Variants in RMND1 observed in about 807,000 individuals in gnomAD.
RMND1 encodes the protein required for meiotic nuclear division protein 1 homolog.
RMND1 carries 41 observed loss-of-function variants against 54.0 expected under a neutral mutation model. The ratio of observed to expected loss-of-function variants is 0.76; its 90% confidence interval spans 0.59 to 0.98. The LOEUF (loss-of-function observed/expected upper bound fraction) is 0.98. Ranked by LOEUF, RMND1 falls within the 50% of genes least tolerant of loss-of-function variation. The probability of loss-of-function intolerance (pLI) is 0.00; values close to 1 mark genes in which losing one functional copy is unlikely to be tolerated. For synonymous variants in RMND1, 183 were observed against 181.7 expected (o/e 1.01, Z -0.06); for missense variants, 457 against 532.0 (o/e 0.86, Z 1.39).
rs71014585 is a variant in RMND1, at chr6:151,449,060, C to CAAAAAAA, written c.-15+2949_-15+2955dup. ...TGAGCAACAAAGCGAGACTCTGTCTCAAAAAAAAAAAAAAAAAAAAAAAAA... is the reference window on the plus strand; with the variant it reads ...TGAGCAACAAAGCGAGACTCTGTCTCAAAAAAAAAAAAAAAAAAAAAAAAAAAAAAAA... On this transcript the variant is annotated intron_variant, in intron 1 of 11. Transcript: ENST00000444024. 3.9e-3 allele frequency among the ~76,000 whole-genome samples: 73 copies of CAAAAAAA among 18,678 alleles called. 19 individuals carry two copies. Among genetic ancestry groups the CAAAAAAA allele is most frequent in the African/African-American group, 0.017 (68 of 4,020 alleles). 12.3% of individuals were successfully genotyped at this position (18,678 alleles called of 152,430 possible).
rs937285315 is a variant in RMND1 at position 151,426,894 on chromosome 6, C to T, written c.830+588G>A. Among the ~76,000 whole-genome samples the T allele has an allele frequency of 4.6e-5, 7 of 151,880 alleles. No homozygotes were observed. The East Asian group carries it at 1.4e-3, about 30-fold the overall frequency. Reference sequence around the variant, plus strand: ...AAGCAATTCTCCTGTCTCAGCCTCCCGAGTAGCTGGGATTACAAGCACCCG... The same window carrying T: ...AAGCAATTCTCCTGTCTCAGCCTCCTGAGTAGCTGGGATTACAAGCACCCG... On this transcript the variant is annotated intron_variant, in intron 6 of 11. Coordinates refer to ENST00000444024, the MANE Select transcript of RMND1 (RefSeq NM_017909.4).
At position 151,436,561 on chromosome 6, in the gene RMND1, C is replaced by T. The variant is rs1780622611; in HGVS notation, c.505-7G>A. On this transcript the variant is annotated splice_region_variant and splice_polypyrimidine_tract_variant and intron_variant, in intron 2 of 11. Coordinates refer to ENST00000444024, the MANE Select transcript of RMND1 (RefSeq NM_017909.4). The stretch of plus-strand genomic sequence containing the variant: ...CTGTGCAGTGCATTAGGTCCTGTTC[C>T]AGGGAAATGAGCATAACATGGGTTA... 2 of 1,613,240 alleles carry T rather than the reference C, an allele frequency of 1.2e-6. No homozygotes were observed. Among genetic ancestry groups the T allele is most frequent in the East Asian group, 4.5e-5 (2 of 44,860 alleles).
chr6:151,405,354 A>G (rs1052367196), intron 11 of RMND1, 87 bp from the exon 12 acceptor site: 9 of 1,261,730 alleles, frequency 7.1e-6, no homozygotes, highest in Admixed American at 5.3e-5. Flanking sequence ...TTAATGAGAA[A>G]TGCTCCTGAA....
chr6:151,428,432 A>G (rs1780365056), intron 5 of RMND1, among the ~76,000 whole-genome samples: 1 of 152,186 alleles, frequency 6.6e-6, no homozygotes, highest in Non-Finnish European at 1.5e-5. Context: ...TCTACTCTCC[A>G]TTACAATGTT....
At chr6:151,431,797 GTTAAA>G (rs950314250) in intron 4 of RMND1, among the ~76,000 whole-genome samples, 1 of 152,044 alleles carries the variant, frequency 6.6e-6, no homozygotes, top group Non-Finnish European at 1.5e-5. Context: ...AAAATACATT[GTTAAA>G]TTAATTTCAT....
chr6:151,438,795 C>CT (rs373421938), intron 2 of RMND1, among the ~76,000 whole-genome samples: 5,179 of 143,880 alleles, frequency 0.036, 98 homozygotes, highest in Non-Finnish European at 0.039. Flanking sequence ...ATGTGTACTA[C>CT]TTTTTTTTTT....
chr6:151,405,340 G>C (rs1240717600), intron 11 of RMND1, 73 bp from the exon 12 acceptor site: 1 of 1,369,124 alleles, frequency 7.3e-7, no homozygotes, highest in South Asian at 1.2e-5. Flanking sequence ...TTCCAAGATT[G>C]TGATTAATGA....
In RMND1 at chr6:151,406,220, G is replaced by A. The variant is rs1038666848; in HGVS notation, c.1201-384C>T. The stretch of plus-strand genomic sequence containing the variant: ...ATCTACGCTTAACATTTGACCTGCT[G>A]TACACACACCACTAGATGGCATTGC... On this transcript the variant is annotated intron_variant, in intron 10 of 11. Coordinates refer to ENST00000444024, the MANE Select transcript of RMND1 (RefSeq NM_017909.4). Among the ~76,000 whole-genome samples the A allele has an allele frequency of 7.2e-5, 11 of 152,262 alleles. No homozygotes were observed. In the South Asian group the frequency reaches 2.1e-3, roughly 29 times the overall value.
chr6:151,410,783 A>G (rs1224437577), intron 10 of RMND1, among the ~76,000 whole-genome samples: 2 of 152,156 alleles, frequency 1.3e-5, no homozygotes, highest in Admixed American at 6.5e-5. Flanking sequence ...TCATTTTCCA[A>G]TTGTGTATTT....
intron 10 of RMND1, 48 bp downstream of exon 10, chr6:151,417,231 T>G (rs1780031049): frequency 2.6e-6 from 4 of 1,568,552 alleles, no homozygotes; most frequent in South Asian, 1.2e-5. Flanking sequence ...ATTCAACTTA[T>G]AGGCGACAAC....
At chr6:151,422,902 C>T (rs1162627623) in intron 7 of RMND1, among the ~76,000 whole-genome samples, 2 of 152,020 alleles carry the variant, frequency 1.3e-5, no homozygotes, top group Non-Finnish European at 2.9e-5. Flanking sequence ...ACCTTGATAC[C>T]ATGGGTAGCT....
At chr6:151,409,731 CAA>C (rs779625907) in intron 10 of RMND1, among the ~76,000 whole-genome samples, 30 of 152,092 alleles carry the variant, frequency 2.0e-4, no homozygotes, top group African/African-American at 6.5e-4. Flanking sequence ...GGAAGGCAGA[CAA>C]GAGACTGGGA....
At chr6:151,427,382 A>G in intron 6 of RMND1, 100 bp downstream of exon 6, 1 of 693,556 alleles carries the variant, frequency 1.4e-6, no homozygotes, top group Admixed American at 2.8e-5. Flanking sequence ...TCTCAAAAAA[A>G]AAAAAAAAGT....
At chr6:151,421,389 C>T in intron 8 of RMND1, 68 bp from the exon 9 acceptor site, 1 of 1,123,872 alleles carries the variant, frequency 8.9e-7, no homozygotes, top group Non-Finnish European at 1.3e-6. Context: ...ATTAGGTCAA[C>T]AGGGCAAAAT....
intron 5 of RMND1, among the ~76,000 whole-genome samples, chr6:151,428,824 A>C (rs1366952507): frequency 6.6e-6 from 1 of 152,272 alleles, no homozygotes; most frequent in East Asian, 1.9e-4. Flanking sequence ...ATGAGTTACC[A>C]CACCTGGCCC....
At chr6:151,420,018 G>A (rs941122658) in intron 9 of RMND1, among the ~76,000 whole-genome samples, 1 of 152,092 alleles carries the variant, frequency 6.6e-6, no homozygotes, top group African/African-American at 2.4e-5. Flanking sequence ...TATTTTCACA[G>A]ATGTATCACA....
intron 10 of RMND1, among the ~76,000 whole-genome samples, chr6:151,410,031 TA>T (rs932618137): frequency 1.3e-5 from 2 of 151,002 alleles, no homozygotes; most frequent in Non-Finnish European, 2.9e-5. Flanking sequence ...TGAGGGGGAA[TA>T]AAAAACCCCG....
intron 1 of RMND1, chr6:151,446,115 A>T (rs897875430): frequency 1.8e-5 from 5 of 275,928 alleles, no homozygotes; most frequent in African/African-American, 1.1e-4. Context: ...CTTCATTAGC[A>T]TATCAAGTAT....
chr6:151,406,490 T>C (rs1204154954), intron 10 of RMND1, among the ~76,000 whole-genome samples: 2 of 152,106 alleles, frequency 1.3e-5, no homozygotes. Flanking sequence ...GCCTCCCAAA[T>C]AGCTGGGACT....
Sources: gnomAD v4.1 joint callset for allele counts (sites outside exome capture counted in the v4.1 genomes callset) on GRCh38, gnomAD v4.1.1 for gene constraint, MANE v1.5 for transcripts, NCBI Gene and HGNC (gene_info 2026-07-23, HGNC 2026-07-21) for gene names.